Variants in CAP2 observed in about 807,000 individuals in gnomAD.
CAP2 encodes the protein adenylyl cyclase-associated protein 2.
In CAP2, 24 loss-of-function variants were observed where a neutral mutation model predicts 57.7. The observed-to-expected ratio is 0.42, with a 90% confidence interval of 0.30 to 0.58. CAP2 has a LOEUF of 0.58. CAP2 is among the 20% of genes least tolerant of loss of function. CAP2 has a pLI of 0.22. For missense variants in CAP2, 501 were observed against 590.3 expected (o/e 0.85, Z 1.57); for synonymous variants, 194 against 207.2 (o/e 0.94, Z 0.55).
At chr6:17,534,352 T>C (rs1379817620) in intron 7 of CAP2, among the ~76,000 whole-genome samples, 1 of 152,192 alleles carries the variant, frequency 6.6e-6, no homozygotes, top group Non-Finnish European at 1.5e-5. Flanking sequence ...ATATAGCTTG[T>C]GTTCATTCTG....
chr6:17,497,802 G>A (rs1341361611), intron 4 of CAP2, among the ~76,000 whole-genome samples: 1 of 152,184 alleles, frequency 6.6e-6, no homozygotes, highest in Non-Finnish European at 1.5e-5. Context: ...TGCACTACCA[G>A]TCAAGTATCT....
intron 3 of CAP2, among the ~76,000 whole-genome samples, chr6:17,457,947 G>A (rs1296403171): frequency 2.0e-5 from 3 of 152,194 alleles, no homozygotes; most frequent in South Asian, 4.1e-4. Context: ...CAATTCAGTC[G>A]GCTCTGCAAG....
chr6:17,548,050 T>C (rs1370786262), intron 11 of CAP2, among the ~76,000 whole-genome samples: 2 of 151,956 alleles, frequency 1.3e-5, no homozygotes, highest in African/African-American at 4.8e-5. Context: ...ATAGCATTTC[T>C]TTCTACCACA....
chr6:17,478,818 C>T (rs933705101), intron 4 of CAP2, among the ~76,000 whole-genome samples: 7 of 152,092 alleles, frequency 4.6e-5, no homozygotes, highest in African/African-American at 1.7e-4. Context: ...TTCCCAGTGC[C>T]CTGCTTGCTT....
chr6:17,481,561 C>T (rs1761287003), intron 4 of CAP2, among the ~76,000 whole-genome samples: 1 of 152,114 alleles, frequency 6.6e-6, no homozygotes, highest in Non-Finnish European at 1.5e-5. Context: ...ATTTACTAAC[C>T]ATTTCCATTA....
rs1374979137 is a variant in CAP2, at chr6:17,478,337, G to T, written c.300+15264G>T. The stretch of plus-strand genomic sequence containing the variant: ...TTTTTTGTATTTTTAGTAGAGACAG[G>T]GTCTCACTAGGTTGGCCAGGCTGGT... On this transcript the variant is annotated intron_variant, in intron 4 of 12. Coordinates refer to ENST00000229922, the MANE Select transcript of CAP2 (RefSeq NM_006366.3). 2.0e-5 allele frequency among the ~76,000 whole-genome samples: 3 copies of T among 147,572 alleles called. No homozygotes were observed. In the East Asian group the frequency reaches 5.9e-4, roughly 29 times the overall value.
chr6:17,485,145 TG>T (rs201214282), intron 4 of CAP2, among the ~76,000 whole-genome samples: 1 of 151,798 alleles, frequency 6.6e-6, no homozygotes, highest in African/African-American at 2.4e-5. Flanking sequence ...TTCCCAGTCC[TG>T]GGTTTTTTTT....
intron 7 of CAP2, among the ~76,000 whole-genome samples, chr6:17,532,417 A>G (rs1762667297): frequency 6.7e-6 from 1 of 148,174 alleles, no homozygotes; most frequent in Non-Finnish European, 1.5e-5. Flanking sequence ...CTGGGATTAC[A>G]GGCGTGAGCC....
At chr6:17,438,605 AT>A (rs1400559385) in intron 3 of CAP2, among the ~76,000 whole-genome samples, 20 of 144,706 alleles carry the variant, frequency 1.4e-4, no homozygotes, top group Admixed American at 7.5e-4. Context: ...CGTCCAGCTA[AT>A]TTTTTTGTAT....
At chr6:17,546,252 G>A (rs926918467) in intron 11 of CAP2, among the ~76,000 whole-genome samples, 1 of 152,148 alleles carries the variant, frequency 6.6e-6, no homozygotes, top group South Asian at 2.1e-4. Context: ...GTATGAGATT[G>A]TATCTCACTG....
At chr6:17,458,304 C>G (rs999382657) in intron 3 of CAP2, among the ~76,000 whole-genome samples, 1 of 152,146 alleles carries the variant, frequency 6.6e-6, no homozygotes, top group Non-Finnish European at 1.5e-5. Context: ...AGATGGTGTA[C>G]TCCAAAATGG....
chr6:17,480,550 A>G (rs1042894320), intron 4 of CAP2, among the ~76,000 whole-genome samples: 13 of 152,184 alleles, frequency 8.5e-5, no homozygotes, highest in African/African-American at 3.1e-4. Context: ...GCAGTCCTGA[A>G]CACTGCATAG....
chr6:17,409,882 G>C (rs556061010), intron 1 of CAP2, among the ~76,000 whole-genome samples: 83 of 152,066 alleles, frequency 5.5e-4, no homozygotes, highest in Non-Finnish European at 9.6e-4. Flanking sequence ...ACTTCCCTTA[G>C]ATCTTCTTCA....
At position 17,438,347 on chromosome 6, in the gene CAP2, A is replaced by C. The variant is rs972013956; in HGVS notation, c.222+11657A>C. ...TGCCACTGCACTCCAACCTGGGCGAAAGAACGAGATTCCATCTCGAAAAAC... is the reference window on the plus strand; with the variant it reads ...TGCCACTGCACTCCAACCTGGGCGACAGAACGAGATTCCATCTCGAAAAAC... On this transcript the variant is annotated intron_variant, in intron 3 of 12. Transcript: ENST00000229922. Among the ~76,000 whole-genome samples, 2 of 82,698 alleles carry C rather than the reference A, an allele frequency of 2.4e-5. 1 individual carries two copies. The highest frequency in any genetic ancestry group is 1.6e-3 in the East Asian group (2 of 1,274). The allele number at this position is 82,698 out of a possible 152,430, so 54.3% of individuals were successfully genotyped here. A position where few individuals can be genotyped will look rare whatever the true frequency, so the allele number is the denominator to read the frequency against.
At chr6:17,453,901 C>CTTTT (rs11339880) in intron 3 of CAP2, among the ~76,000 whole-genome samples, 1 of 114,968 alleles carries the variant, frequency 8.7e-6, no homozygotes, top group Non-Finnish European at 1.7e-5. Context: ...TCTTTTTATT[C>CTTTT]TTTTTTTTTT....
intron 12 of CAP2, among the ~76,000 whole-genome samples, chr6:17,555,640 C>G (rs1226189804): frequency 6.6e-6 from 1 of 151,556 alleles, no homozygotes; most frequent in Non-Finnish European, 1.5e-5. Flanking sequence ...CTCGGCTGAC[C>G]GCAACCTCTG....
chr6:17,410,805 C>T (rs951232621), intron 1 of CAP2, among the ~76,000 whole-genome samples: 14 of 152,196 alleles, frequency 9.2e-5, no homozygotes, highest in South Asian at 2.1e-4. Flanking sequence ...GTGATCTGCC[C>T]GCTTCGGCCT....
chr6:17,431,009 A>G (rs937231291), intron 3 of CAP2, among the ~76,000 whole-genome samples: 1 of 152,168 alleles, frequency 6.6e-6, no homozygotes, highest in Non-Finnish European at 1.5e-5. Flanking sequence ...TGTTTGTAGG[A>G]ATCTGGAATC....
intron 3 of CAP2, among the ~76,000 whole-genome samples, chr6:17,433,804 TCTC>T (rs1581514125): frequency 6.6e-6 from 1 of 152,228 alleles, no homozygotes; most frequent in East Asian, 1.9e-4. Flanking sequence ...TCACAGCCCA[TCTC>T]CTGCTAAATC....
Sources: allele counts gnomAD v4.1 joint callset (sites outside exome capture counted in the v4.1 genomes callset), GRCh38; gene constraint gnomAD v4.1.1; transcripts MANE v1.5; gene names NCBI Gene and HGNC (gene_info 2026-07-23, HGNC 2026-07-21).